The following MAK variants were observed in gnomAD, a reference collection of about 807,000 sequenced individuals.
The protein encoded by MAK is male germ cell associated kinase.
In MAK, 65 loss-of-function variants were observed where a neutral mutation model predicts 82.6. That is an observed-to-expected ratio of 0.79 (90% CI 0.64 to 0.97). MAK has a LOEUF of 0.97. MAK is among the 50% of genes least tolerant of loss of function. MAK has a pLI of 0.00. For missense variants in MAK, 703 were observed against 780.2 expected (o/e 0.90, Z 1.18); for synonymous variants, 250 against 274.2 (o/e 0.91, Z 0.87).
chr6:10,801,798 TG>T, intron 8 of MAK, 93 bp downstream of exon 8: 1 of 1,189,072 alleles, frequency 8.4e-7, no homozygotes, highest in Non-Finnish European at 1.2e-6. Flanking sequence ...AGTAAAATCC[TG>T]GTTGAGAATA....
intron 2 of MAK, among the ~76,000 whole-genome samples, chr6:10,829,883 C>G (rs1411300280): frequency 6.6e-6 from 1 of 151,974 alleles, no homozygotes; most frequent in Non-Finnish European, 1.5e-5. Flanking sequence ...GTCACCCAGG[C>G]TGGAGTGCAG....
intron 12 of MAK, among the ~76,000 whole-genome samples, chr6:10,773,741 G>C (rs1773215958): frequency 6.7e-6 from 1 of 150,106 alleles, no homozygotes; most frequent in Non-Finnish European, 1.5e-5. Flanking sequence ...GCCCAGGCTG[G>C]AGTGCAGTGG....
rs387906648 is a variant in MAK at position 10,803,886 on chromosome 6, C to T, written c.497G>A (p.Arg166His). The T allele has an allele frequency of 9.3e-6, 15 of 1,613,620 alleles. No individual in the cohort carries two copies. The highest frequency in any genetic ancestry group is 2.7e-5 in the African/African-American group (2 of 74,882). ...YTDYVSTRWYRAPEVLLRSSV... is the reference protein window; with the variant it reads ...YTDYVSTRWYHAPEVLLRSSV... ...AGATCTCAGTAAAACTTCAGGGGCA[C>T]GATACCTATGAAAATAGAGAACAAA... is the stretch of plus-strand genomic sequence containing the variant. The change falls in exon 7 of 15, where the codon CGT becomes CAT. Residue 166 changes from arginine to histidine, a missense_variant. By Grantham distance (29) the Arg-to-His change is conservative. Coordinates refer to ENST00000354489, the MANE Select transcript of MAK (RefSeq NM_001242957.3).
intron 14 of MAK, among the ~76,000 whole-genome samples, chr6:10,767,138 G>GT (rs1772520268): frequency 6.6e-6 from 1 of 152,192 alleles, no homozygotes; most frequent in South Asian, 2.1e-4. Context: ...CTTGCTCTGT[G>GT]TTTAAAAACT....
At chr6:10,806,128 C>T (rs1004527058) in intron 6 of MAK, among the ~76,000 whole-genome samples, 3 of 151,668 alleles carry the variant, frequency 2.0e-5, no homozygotes, top group African/African-American at 7.3e-5. Flanking sequence ...TGTTTGTTCC[C>T]TTCTCGCACG....
rs774449472 is a variant in MAK, at chr6:10,796,239, T to A, written c.902A>T (p.Gln301Leu). Residue 301 changes from glutamine to leucine, a missense_variant, in exon 9 of 15, where the codon CAG (glutamine) becomes CTG (leucine). Coordinates refer to ENST00000354489, the MANE Select transcript of MAK (RefSeq NM_001242957.3). The part of the protein sequence containing the change: ...GPSSNHLESK[Q>L]SLNKQLQPLE... Reference sequence around the variant, plus strand: ...TGGTTGCAGCTGCTTATTTAAAGACTGTTTTGATTCCAGATGATTTGACGA... The same window carrying A: ...TGGTTGCAGCTGCTTATTTAAAGACAGTTTTGATTCCAGATGATTTGACGA... 5 of 1,614,084 alleles carry A rather than the reference T, an allele frequency of 3.1e-6. No homozygotes were observed. In the African/African-American group the frequency reaches 6.7e-5, roughly 22 times the overall value.
intron 14 of MAK, among the ~76,000 whole-genome samples, chr6:10,768,104 TTTAC>T: frequency 6.6e-6 from 1 of 152,170 alleles, no homozygotes; most frequent in African/African-American, 2.4e-5. Context: ...AGAAAAAGCA[TTTAC>T]TTAAAAAAAA....
chr6:10,834,746 G>C (rs1466241640), intron 1 of MAK, among the ~76,000 whole-genome samples: 1 of 151,836 alleles, frequency 6.6e-6, no homozygotes, highest in Non-Finnish European at 1.5e-5. Flanking sequence ...ATGGTTAAGG[G>C]AGAAAGAATC....
chr6:10,837,332 A>C (rs1362926424), intron 1 of MAK, among the ~76,000 whole-genome samples: 1 of 152,250 alleles, frequency 6.6e-6, no homozygotes, highest in African/African-American at 2.4e-5. Flanking sequence ...TAAAATATAA[A>C]AGCACAGTTC....
chr6:10,788,906 T>G (rs1774832642), intron 10 of MAK, among the ~76,000 whole-genome samples: 1 of 152,148 alleles, frequency 6.6e-6, no homozygotes, highest in Non-Finnish European at 1.5e-5. Context: ...CCTTATTTCT[T>G]GTTAACAGCA....
At chr6:10,807,820 A>G (rs1776612501) in intron 6 of MAK, among the ~76,000 whole-genome samples, 1 of 151,764 alleles carries the variant, frequency 6.6e-6, no homozygotes, top group South Asian at 2.1e-4. Flanking sequence ...TCCCAGCACT[A>G]TGCATAGGAG....
At chr6:10,811,260 A>C (rs145208397) in intron 5 of MAK, among the ~76,000 whole-genome samples, 1 of 152,252 alleles carries the variant, frequency 6.6e-6, no homozygotes, top group Non-Finnish European at 1.5e-5. Flanking sequence ...TGGCCTCCCA[A>C]AGTGCTGGGA....
chr6:10,830,772 G>C lies in MAK; in HGVS notation c.-124C>G, dbSNP rs552689175. 1 of 757,112 alleles carries C rather than the reference G, an allele frequency of 1.3e-6. No homozygotes were observed. Among genetic ancestry groups the C allele is most frequent in the African/African-American group, 1.7e-5 (1 of 58,098 alleles). The allele number at this position is 757,112 out of a possible 1,614,324, so 46.9% of individuals were successfully genotyped here. ...ACTGTTGTTGCTACACTGGTGACAG[G>C]TTTGTCATCATTAAATATAGTCTCT... On this transcript the variant is annotated 5_prime_UTR_variant, in exon 2 of 15. Transcript: ENST00000354489.
rs924761809 is a variant in MAK at position 10,800,134 on chromosome 6, C to T, written c.831+1758G>A. On this transcript the variant is annotated intron_variant, in intron 8 of 14. Coordinates refer to ENST00000354489, the MANE Select transcript of MAK (RefSeq NM_001242957.3). This position sits in a 1 kb window ranked among gnomAD's most constrained non-coding sequence, Gnocchi z 4.2. Reference sequence around the variant, plus strand: ...TACAAAAATAAGCCAAGCGTGGTGGCGGGCACCTGCAATCCCAGCAACTCG... The same window carrying T: ...TACAAAAATAAGCCAAGCGTGGTGGTGGGCACCTGCAATCCCAGCAACTCG... Among the ~76,000 whole-genome samples, 3 of 151,940 alleles carry T rather than the reference C, an allele frequency of 2.0e-5. No homozygotes were observed. Among genetic ancestry groups the T allele is most frequent in the East Asian group, 1.9e-4 (1 of 5,174 alleles).
intron 13 of MAK, among the ~76,000 whole-genome samples, chr6:10,771,420 A>G (rs1483410532): frequency 1.3e-5 from 2 of 152,186 alleles, no homozygotes; most frequent in African/African-American, 4.8e-5. Context: ...TAGGATGTCA[A>G]GATCTAGCAG....
intron 2 of MAK, among the ~76,000 whole-genome samples, chr6:10,827,170 A>G (rs538080359): frequency 6.6e-6 from 1 of 152,222 alleles, no homozygotes; most frequent in East Asian, 1.9e-4. Context: ...TATTTTTGCC[A>G]CTCAGAAAAA....
intron 3 of MAK, 135 bp from the exon 4 acceptor site, chr6:10,818,106 TTAA>T (rs1777634317): frequency 7.9e-6 from 4 of 507,168 alleles, no homozygotes; most frequent in East Asian, 3.8e-5. Flanking sequence ...TAATTACATT[TTAA>T]TATCTACATA....
chr6:10,790,758 C>T (rs899544823), intron 10 of MAK, among the ~76,000 whole-genome samples: 3 of 152,226 alleles, frequency 2.0e-5, no homozygotes, highest in African/African-American at 7.2e-5. Context: ...TTTTGGACAT[C>T]TGTCCTCTCT....
intron 10 of MAK, among the ~76,000 whole-genome samples, chr6:10,787,872 AAAAGT>A (rs1419760183): frequency 1.3e-5 from 2 of 152,038 alleles, no homozygotes; most frequent in African/African-American, 4.8e-5. Flanking sequence ...AAAAAAAAAA[AAAAGT>A]AGAAGAAATA....
Sources: allele counts gnomAD v4.1 joint callset (sites outside exome capture counted in the v4.1 genomes callset), GRCh38; gene constraint gnomAD v4.1.1; non-coding constraint Gnocchi (gnomAD v3.1); transcripts MANE v1.5; gene names NCBI Gene and HGNC (gene_info 2026-07-23, HGNC 2026-07-21).